FAT3: variants seen among roughly 807,000 people sequenced by gnomAD.
FAT3 encodes the protein protocadherin Fat 3.
A neutral mutation model predicts 310.2 loss-of-function variants in FAT3; 95 were observed. The observed-to-expected ratio is 0.31, with a 90% confidence interval of 0.26 to 0.36. FAT3 has a LOEUF of 0.36. Ranked by LOEUF, FAT3 falls within the 10% of genes least tolerant of loss-of-function variation. The pLI, the probability that FAT3 is intolerant of heterozygous loss-of-function variation, is 1.00. For synonymous variants in FAT3, 2,314 were observed against 2,192.9 expected, an observed-to-expected ratio of 1.06 and a Z score of -1.54; for missense variants, 5,408 against 5,715.6, an observed-to-expected ratio of 0.95 and a Z score of 1.74.
intron 6 of FAT3, among the ~76,000 whole-genome samples, chr11:92,767,242 A>C: frequency 7.0e-6 from 1 of 143,840 alleles, no homozygotes; most frequent in African/African-American, 2.6e-5. Flanking sequence ...ACAGAGCAAG[A>C]CTCTGTCTCA....
chr11:92,544,835 A>C (rs766756886), intron 3 of FAT3, among the ~76,000 whole-genome samples: 1 of 152,190 alleles, frequency 6.6e-6, no homozygotes, highest in Admixed American at 6.5e-5. Flanking sequence ...GGTTAGGTGC[A>C]ATCACAAAGA....
chr11:92,524,936 A>C lies in FAT3; in HGVS notation c.3595A>C (p.Asn1199His). The C allele has an allele frequency of 6.2e-7, 1 of 1,613,440 alleles. No homozygotes were observed. Among genetic ancestry groups the C allele is most frequent in the Non-Finnish European group, 8.5e-7 (1 of 1,179,646 alleles). ...AAATCCTCAGAATTTTTTTGCCATCAATATCAAAACAGGTAAGGGAATGCT... is the reference window on the plus strand; with the variant it reads ...AAATCCTCAGAATTTTTTTGCCATCCATATCAAAACAGGTAAGGGAATGCT... Reference protein sequence around the residue: ...SGNPQNFFAINIKTGLITTTS... With the variant: ...SGNPQNFFAIHIKTGLITTTS... Residue 1199 changes from asparagine (N) to histidine (H), a missense_variant, in exon 3 of 28, where the codon AAT becomes CAT. By Grantham distance (68) the Asn-to-His change is moderately conservative. Coordinates refer to ENST00000525166, the MANE Select transcript of FAT3 (RefSeq NM_001367949.2).
intron 2 of FAT3, among the ~76,000 whole-genome samples, chr11:92,488,804 G>A (rs555013407): frequency 2.6e-5 from 4 of 152,164 alleles, no homozygotes; most frequent in African/African-American, 9.6e-5. Flanking sequence ...CTAAAAGCAC[G>A]GGCACTGAAA....
intron 2 of FAT3, among the ~76,000 whole-genome samples, chr11:92,425,389 A>C (rs929161437): frequency 3.3e-5 from 5 of 151,622 alleles, no homozygotes; most frequent in African/African-American, 1.2e-4. Context: ...CCTTTTTCTT[A>C]TTTTTTTTAA....
chr11:92,496,009 T>C (rs538341598), intron 2 of FAT3, among the ~76,000 whole-genome samples: 20 of 152,212 alleles, frequency 1.3e-4, no homozygotes, highest in African/African-American at 4.8e-4. Context: ...GTAGTGTTGA[T>C]CCATCCAAAA....
rs376267324 is a variant in FAT3 at position 92,355,291 on chromosome 11, C to T, written c.3179C>T (p.Thr1060Ile). Residue 1060 changes from threonine to isoleucine, a missense_variant, in exon 2 of 28, where the codon ACA becomes ATA. By Grantham distance (89) the Thr-to-Ile change is moderately conservative. Around this residue, in one of 5 missense-constraint regions of FAT3, gnomAD observed 4,588 missense variants for 4,809.8 expected, o/e 0.95. Coordinates refer to ENST00000525166, the MANE Select transcript of FAT3 (RefSeq NM_001367949.2). The part of the protein sequence containing the change: ...GSVKENSRIG[T>I]SVLQVTARDE... ...GTAAAGGAAAACTCACGCATTGGAA[C>T]AAGCGTGCTGCAGGTGACTGCTCGA... is the stretch of plus-strand genomic sequence containing the variant. The T allele has an allele frequency of 6.2e-7, 1 of 1,613,782 alleles. No homozygotes were observed. The highest frequency in any genetic ancestry group is 1.3e-5 in the African/African-American group (1 of 75,006).
chr11:92,807,100 A>C (rs1947525838), intron 12 of FAT3, among the ~76,000 whole-genome samples: 1 of 152,136 alleles, frequency 6.6e-6, no homozygotes, highest in Non-Finnish European at 1.5e-5. Flanking sequence ...AATCTTTCCC[A>C]GTTATTTGAT....
chr11:92,484,768 T>G (rs1413473079), intron 2 of FAT3, among the ~76,000 whole-genome samples: 1 of 152,240 alleles, frequency 6.6e-6, no homozygotes, highest in African/African-American at 2.4e-5. Flanking sequence ...ATATGTTCGC[T>G]TCTACGCTGC....
chr11:92,585,904 T>TCCTTCCTTCCCTC (rs1193601551), intron 3 of FAT3, among the ~76,000 whole-genome samples: 2 of 151,910 alleles, frequency 1.3e-5, no homozygotes, highest in African/African-American at 4.8e-5. Context: ...CCTTGCTCCC[T>TCCTTCCTTCCCTC]CCTTCCTTCC....
intron 4 of FAT3, among the ~76,000 whole-genome samples, chr11:92,715,436 AAAATT>A (rs1470603495): frequency 6.6e-5 from 10 of 151,804 alleles, no homozygotes; most frequent in Non-Finnish European, 1.3e-4. Flanking sequence ...ATAAAAATAA[AAAATT>A]AATTAATTAA....
At chr11:92,487,192 T>C (rs906691027) in intron 2 of FAT3, among the ~76,000 whole-genome samples, 2 of 152,058 alleles carry the variant, frequency 1.3e-5, no homozygotes, top group African/African-American at 4.8e-5. Flanking sequence ...TAGGCAGATA[T>C]AGGAACTGGG....
At position 92,728,991 on chromosome 11, in the gene FAT3, G is replaced by A. The variant is rs73556487; in HGVS notation, c.3669+31546G>A. Among the ~76,000 whole-genome samples the A allele has an allele frequency of 3.7e-3, 560 of 152,254 alleles. 6 individuals carry two copies. The highest frequency in any genetic ancestry group is 0.013 in the African/African-American group (534 of 41,542). ...GACATTTACAGGTTCTAGAGATTAGGATTTGATATATTTGGTTTCATCATT... is the reference window on the plus strand; with the variant it reads ...GACATTTACAGGTTCTAGAGATTAGAATTTGATATATTTGGTTTCATCATT... On this transcript the variant is annotated intron_variant, in intron 4 of 27. Transcript: ENST00000525166.
intron 2 of FAT3, among the ~76,000 whole-genome samples, chr11:92,466,922 G>T (rs1429115821): frequency 1.4e-4 from 21 of 149,880 alleles, no homozygotes; most frequent in South Asian, 8.5e-4. Flanking sequence ...TCATCATTTT[G>T]TATGGCTGCA....
intron 3 of FAT3, among the ~76,000 whole-genome samples, chr11:92,647,776 TAAACA>T (rs2135747167): frequency 6.6e-6 from 1 of 152,268 alleles, no homozygotes; most frequent in East Asian, 1.9e-4. Flanking sequence ...TCTGGCCCTC[TAAACA>T]AGGAACGCAG....
intron 2 of FAT3, among the ~76,000 whole-genome samples, chr11:92,385,097 G>T (rs995951649): frequency 6.6e-6 from 1 of 152,210 alleles, no homozygotes; most frequent in Non-Finnish European, 1.5e-5. Flanking sequence ...GAATGTGAAT[G>T]TTTTCACTTG....
At chr11:92,680,067 T>TTTA (rs1293080676) in intron 3 of FAT3, among the ~76,000 whole-genome samples, 2 of 151,866 alleles carry the variant, frequency 1.3e-5, no homozygotes, top group Non-Finnish European at 2.9e-5. Flanking sequence ...ATTCACTCCA[T>TTTA]TTATTACTTA....
At chr11:92,520,512 A>G (rs1953646510) in intron 2 of FAT3, among the ~76,000 whole-genome samples, 1 of 152,104 alleles carries the variant, frequency 6.6e-6, no homozygotes, top group Non-Finnish European at 1.5e-5. Flanking sequence ...AAAGTAATAA[A>G]GAATGCATTG....
chr11:92,754,631 A>G (rs1362382329), intron 4 of FAT3, among the ~76,000 whole-genome samples: 1 of 142,916 alleles, frequency 7.0e-6, no homozygotes, highest in Non-Finnish European at 1.5e-5. Context: ...CTGCCTCAAA[A>G]AAAAAAAAAA....
At chr11:92,348,136 C>CT (rs776498105) in intron 1 of FAT3, among the ~76,000 whole-genome samples, 111 of 143,406 alleles carry the variant, frequency 7.7e-4, no homozygotes, top group East Asian at 1.8e-3. Flanking sequence ...CCAGATAGGG[C>CT]TTTTTTTTTT....
Sources: allele counts gnomAD v4.1 joint callset (sites outside exome capture counted in the v4.1 genomes callset), GRCh38; gene constraint gnomAD v4.1.1; regional missense constraint gnomAD v4.1.1; transcripts MANE v1.5; gene names NCBI Gene and HGNC (gene_info 2026-07-23, HGNC 2026-07-21).